The following HDAC4 variants were observed in gnomAD, a reference collection of about 807,000 sequenced individuals.
HDAC4 encodes histone deacetylase 4.
HDAC4 carries 16 observed loss-of-function variants against 135.1 expected under a neutral mutation model. The observed-to-expected ratio is 0.12, with a 90% CI of 0.08 to 0.18. The LOEUF (loss-of-function observed/expected upper bound fraction) is 0.18. HDAC4 is among the 10% of genes least tolerant of loss of function. HDAC4 has a pLI of 1.00. For synonymous variants in HDAC4, 685 were observed against 653.4 expected (o/e 1.05, Z -0.74); for missense variants, 1,143 against 1,511.8 (o/e 0.76, Z 4.05).
intron 3 of HDAC4, among the ~76,000 whole-genome samples, chr2:239,198,122 A>G (rs919927208): frequency 1.3e-5 from 2 of 152,268 alleles, no homozygotes; most frequent in East Asian, 3.9e-4. Flanking sequence ...CTGGGATTAC[A>G]GGCCTGAGCC....
rs1042960120 is a variant in HDAC4, at chr2:239,308,901, G to A, written c.22+43777C>T. ...TCTACACCCAAGCCCTCGGAAGCAC[G>A]CTGCAGGCCCCTGGAGGTGCCACAG... On this transcript the variant is annotated intron_variant, in intron 2 of 26. Coordinates refer to ENST00000543185, the MANE Select transcript of HDAC4 (RefSeq NM_001378414.1). The surrounding 1 kb of genome is among the most constrained non-coding windows in gnomAD (Gnocchi z 4.2). 9.9e-5 allele frequency among the ~76,000 whole-genome samples: 15 copies of A among 152,166 alleles called. No homozygotes were observed. Among genetic ancestry groups the A allele is most frequent in the Non-Finnish European group, 1.3e-4 (9 of 68,030 alleles).
At chr2:239,318,718 AGTAATTCTTTGGACTATTTTTT>A (rs1178821063) in intron 2 of HDAC4, among the ~76,000 whole-genome samples, 1 of 152,098 alleles carries the variant, frequency 6.6e-6, no homozygotes, top group Admixed American at 6.5e-5. Flanking sequence ...ATCAATAAAC[AGTAATTCTTTGGACTATTTTTT>A]GCTGATTTTC....
At chr2:239,158,886 A>C (rs1456125122) in intron 6 of HDAC4, among the ~76,000 whole-genome samples, 1 of 151,990 alleles carries the variant, frequency 6.6e-6, no homozygotes, top group Admixed American at 6.6e-5. Context: ...CCCTGCTGCA[A>C]TCACACCCGC....
rs1437230141 is a variant in HDAC4, at chr2:239,150,593, A to G, written c.734-5879T>C. 2.1e-5 allele frequency among the ~76,000 whole-genome samples: 3 copies of G among 141,804 alleles called. No individual in the cohort carries two copies. The South Asian group carries it at 6.9e-4, about 32-fold the overall frequency. 93.0% of individuals were successfully genotyped at this position (141,804 alleles called of 152,430 possible). The stretch of plus-strand genomic sequence containing the variant: ...ATACCACACCTTCACATACAGCAGC[A>G]GGAAGTCTCACCGCGCTGCACCTCC... On this transcript the variant is annotated intron_variant, in intron 7 of 26. Transcript: ENST00000543185.
chr2:239,084,221 G>A lies in HDAC4; in HGVS notation c.2466C>T (p.Ser822=), dbSNP rs149230665. The change falls in exon 20 of 27, where the codon TCC becomes TCT. Residue 822 remains serine (S), a synonymous_variant. Transcript: ENST00000543185. ...GCAGAAGCTTGGCTGCCACGGCCAC[G>A]GAGTTGAAGTAGCAAAAGCCCCTGC... ...STPMGFCYFN[S]VAVAAKLLQQ... The A allele has an allele frequency of 2.0e-5, 33 of 1,612,636 alleles. No individual in the cohort carries two copies. In the African/African-American group the frequency reaches 2.4e-4, roughly 12 times the overall value.
intron 22 of HDAC4, among the ~76,000 whole-genome samples, chr2:239,072,133 T>C (rs926364701): frequency 3.9e-5 from 6 of 152,234 alleles, no homozygotes; most frequent in Non-Finnish European, 5.9e-5. Context: ...ACTTGCTGTT[T>C]GTTCTGGCTT....
intron 16 of HDAC4, among the ~76,000 whole-genome samples, chr2:239,100,502 T>C (rs985782710): frequency 6.6e-6 from 1 of 152,198 alleles, no homozygotes; most frequent in Admixed American, 6.5e-5. Context: ...GCTGGGTTAG[T>C]GCCTCACACT....
chr2:239,299,140 C>T lies in HDAC4; in HGVS notation c.22+53538G>A, dbSNP rs898543421. Among the ~76,000 whole-genome samples, 63 of 152,108 alleles carry T rather than the reference C, an allele frequency of 4.1e-4. No homozygotes were observed. The highest frequency in any genetic ancestry group is 8.8e-5 in the Non-Finnish European group (6 of 68,020). ...TTGGCCTCCCAAAGTGCTGGGATTA[C>T]AGGCATAAGCTATTGCACCCGGCCT... is the stretch of plus-strand genomic sequence containing the variant. On this transcript the variant is annotated intron_variant, in intron 2 of 26. Transcript: ENST00000543185. The surrounding 1 kb of genome is among the most constrained non-coding windows in gnomAD (Gnocchi z 4.0).
chr2:239,148,749 C>T (rs766697971), intron 7 of HDAC4, among the ~76,000 whole-genome samples: 10 of 152,292 alleles, frequency 6.6e-5, no homozygotes, highest in South Asian at 2.1e-4. Context: ...AAGGAGGCCA[C>T]GGAGCCCGGG....
chr2:239,294,525 T>C (rs1019094255), intron 2 of HDAC4, among the ~76,000 whole-genome samples: 2 of 152,140 alleles, frequency 1.3e-5, no homozygotes, highest in African/African-American at 4.8e-5. Context: ...GGAAGAGCTC[T>C]GTTAGACCTA....
rs900698863 is a variant in HDAC4, at chr2:239,219,422, G to C, written c.94+17171C>G. Among the ~76,000 whole-genome samples, 4 of 143,376 alleles carry C rather than the reference G, an allele frequency of 2.8e-5. No individual in the cohort carries two copies. The Admixed American group carries it at 3.1e-4, about 11-fold the overall frequency. 94.1% of individuals were successfully genotyped at this position (143,376 alleles called of 152,430 possible). ...CTCATAGGTAGGAATTGAACATTGA[G>C]AACACGTGGACACAGGAAGGGGAAC... On this transcript the variant is annotated intron_variant, in intron 3 of 26. Coordinates refer to ENST00000543185, the MANE Select transcript of HDAC4 (RefSeq NM_001378414.1).
chr2:239,295,439 G>A (rs150335283), intron 2 of HDAC4, among the ~76,000 whole-genome samples: 203 of 152,024 alleles, frequency 1.3e-3, no homozygotes, highest in African/African-American at 4.8e-3. Flanking sequence ...GATGGGAGCC[G>A]GAAGGAAACA....
intron 2 of HDAC4, among the ~76,000 whole-genome samples, chr2:239,246,505 G>GGGCGGGGGCCGGCCA (rs1374823625): frequency 6.6e-6 from 1 of 152,192 alleles, no homozygotes; most frequent in Admixed American, 6.5e-5. Context: ...CCAGGTGTGT[G>GGGCGGGGGCCGGCCA]GGCGGGGGCC....
At chr2:239,182,057 A>G (rs1338038852) in intron 4 of HDAC4, among the ~76,000 whole-genome samples, 2 of 152,192 alleles carry the variant, frequency 1.3e-5, no homozygotes, top group Admixed American at 6.5e-5. Context: ...ACATCTGGGC[A>G]TGTACAGATT....
At chr2:239,114,259 G>A (rs1268544586) in intron 13 of HDAC4, among the ~76,000 whole-genome samples, 1 of 152,166 alleles carries the variant, frequency 6.6e-6, no homozygotes, top group African/African-American at 2.4e-5. Flanking sequence ...CGGCCGGCAT[G>A]GAGTCCAGAG....
At chr2:239,337,936 A>G (rs1207897849) in intron 2 of HDAC4, among the ~76,000 whole-genome samples, 4 of 152,162 alleles carry the variant, frequency 2.6e-5, no homozygotes, top group African/African-American at 7.2e-5. Flanking sequence ...TCGGGGGCAG[A>G]AAGACAAAGA....
chr2:239,145,383 C>T (rs776850434), intron 7 of HDAC4, among the ~76,000 whole-genome samples: 6 of 150,706 alleles, frequency 4.0e-5, no homozygotes, highest in East Asian at 1.9e-4. Context: ...GGGCGTGGGT[C>T]GGTTTCTGTG....
Position 239,111,095 on chromosome 2 carries a change from C to A in HDAC4, c.1978+431G>T, listed in dbSNP as rs183227843. ...GGCTCTGCTCTCGTGTAATCACAGC[C>A]CCCCGCCAGCCATTCACAGCCCTGT... On this transcript the variant is annotated intron_variant, in intron 14 of 26. Transcript: ENST00000543185. Among the ~76,000 whole-genome samples the A allele has an allele frequency of 1.2e-4, 18 of 152,360 alleles. No individual in the cohort carries two copies. The East Asian group carries it at 3.1e-3, about 26-fold the overall frequency.
chr2:239,246,640 AG>A (rs1262218547), intron 2 of HDAC4, among the ~76,000 whole-genome samples: 1 of 152,118 alleles, frequency 6.6e-6, no homozygotes, highest in East Asian at 1.9e-4. Context: ...TCCTGGAGGG[AG>A]TGTCTCAGGG....
Sources: allele counts gnomAD v4.1 joint callset (sites outside exome capture counted in the v4.1 genomes callset), GRCh38; gene constraint gnomAD v4.1.1; non-coding constraint Gnocchi (gnomAD v3.1); transcripts MANE v1.5; gene names NCBI Gene and HGNC (gene_info 2026-07-23, HGNC 2026-07-21).